Variants in FGGY observed in about 807,000 individuals in gnomAD.
The protein encoded by FGGY is FGGY carbohydrate kinase domain containing.
Under a neutral mutation model 71.3 loss-of-function variants are expected in FGGY, and 72 were observed. The observed-to-expected ratio is 1.01, with a 90% CI of 0.84 to 1.23. FGGY has a LOEUF of 1.23. FGGY is among the 50% of genes most tolerant of loss of function. FGGY has a pLI of 0.00. For missense variants in FGGY, 668 were observed against 682.3 expected (o/e 0.98, Z 0.23); for synonymous variants, 251 against 250.3 (o/e 1.00, Z -0.02).
At chr1:59,547,159 G>T (rs2095539569) in intron 7 of FGGY, among the ~76,000 whole-genome samples, 1 of 151,444 alleles carries the variant, frequency 6.6e-6, no homozygotes, top group African/African-American at 2.4e-5. Context: ...CACCATATTA[G>T]CCAGGCTGGT....
chr1:59,428,471 G>T (rs568078963), intron 5 of FGGY, among the ~76,000 whole-genome samples: 1 of 152,316 alleles, frequency 6.6e-6, no homozygotes, highest in East Asian at 1.9e-4. Context: ...ACAGTAATTA[G>T]ATGCCAGTGT....
At chr1:59,694,874 A>G (rs74937492) in intron 14 of FGGY, among the ~76,000 whole-genome samples, 2,651 of 152,264 alleles carry the variant, frequency 0.017, 79 homozygotes, top group African/African-American at 0.06. Context: ...TTAAAATGTA[A>G]ACATGCATTG....
chr1:59,413,152 G>A (rs1056618456), intron 5 of FGGY, among the ~76,000 whole-genome samples: 1 of 152,138 alleles, frequency 6.6e-6, no homozygotes, highest in African/African-American at 2.4e-5. Flanking sequence ...CACCCCCAGG[G>A]ACATTTTAAG....
chr1:59,721,534 C>T (rs1224434698), intron 14 of FGGY, among the ~76,000 whole-genome samples: 2 of 151,846 alleles, frequency 1.3e-5, no homozygotes, highest in East Asian at 1.9e-4. Context: ...GACAGGGTTT[C>T]ACCATGTTGG....
chr1:59,356,517 T>C (rs1324459832), intron 4 of FGGY, among the ~76,000 whole-genome samples: 2 of 152,228 alleles, frequency 1.3e-5, no homozygotes, highest in Non-Finnish European at 2.9e-5. Flanking sequence ...CCCTAGAATT[T>C]ATTGCATTAC....
intron 8 of FGGY, among the ~76,000 whole-genome samples, chr1:59,568,318 A>T (rs557321272): frequency 5.5e-4 from 83 of 152,132 alleles, no homozygotes; most frequent in Non-Finnish European, 2.1e-4. Context: ...TCTCTTATTC[A>T]TCTGGCCTTT....
intron 7 of FGGY, among the ~76,000 whole-genome samples, chr1:59,530,157 A>C (rs1302120682): frequency 2.0e-5 from 3 of 152,146 alleles, no homozygotes; most frequent in African/African-American, 7.2e-5. Context: ...GTAAATCCTG[A>C]AGTTAAATAA....
In FGGY at chr1:59,340,745, A is replaced by C. The variant is rs139356034; in HGVS notation, c.313+676A>C. Among the ~76,000 whole-genome samples, 316 of 152,340 alleles carry C rather than the reference A, an allele frequency of 2.1e-3. 1 individual carries two copies. The highest frequency in any genetic ancestry group is 3.9e-3 in the Non-Finnish European group (266 of 68,030). On this transcript the variant is annotated intron_variant, in intron 3 of 15. Coordinates refer to ENST00000303721, the MANE Select transcript of FGGY (RefSeq NM_018291.5). ...GGGTTACAAACCCGAAAGTCTATTA[A>C]TATATTAATGTAATAATTAATACAT...
At chr1:59,721,004 T>C (rs953298579) in intron 14 of FGGY, among the ~76,000 whole-genome samples, 3 of 152,208 alleles carry the variant, frequency 2.0e-5, no homozygotes, top group Non-Finnish European at 4.4e-5. Context: ...TCCCTCCGTG[T>C]GGAATCATCT....
intron 8 of FGGY, among the ~76,000 whole-genome samples, chr1:59,555,621 C>G (rs1246211115): frequency 1.3e-5 from 2 of 152,178 alleles, no homozygotes; most frequent in Non-Finnish European, 2.9e-5. Context: ...CTTGAGGTGA[C>G]ATTTGTGCTG....
chr1:59,583,425 T>C (rs2096229187), intron 8 of FGGY, among the ~76,000 whole-genome samples: 1 of 143,704 alleles, frequency 7.0e-6, no homozygotes, highest in Admixed American at 6.8e-5. Context: ...CTAGGTAAAC[T>C]TGAATAATTC....
intron 4 of FGGY, among the ~76,000 whole-genome samples, 175 bp downstream of exon 4, chr1:59,346,573 T>C (rs191105139): frequency 2.6e-5 from 4 of 152,312 alleles, no homozygotes; most frequent in Admixed American, 2.0e-4. Context: ...ACACCTGTTT[T>C]TATGTGCCTA....
At chr1:59,449,488 TTGG>T (rs1400793540) in intron 5 of FGGY, among the ~76,000 whole-genome samples, 2 of 152,174 alleles carry the variant, frequency 1.3e-5, no homozygotes, top group African/African-American at 4.8e-5. Context: ...TTTCACCATG[TTGG>T]TCAGGCTGGT....
chr1:59,470,304 C>G (rs1444741069), intron 6 of FGGY, among the ~76,000 whole-genome samples: 1 of 152,192 alleles, frequency 6.6e-6, no homozygotes, highest in Non-Finnish European at 1.5e-5. Context: ...GCCATTCTGA[C>G]TGGTGTGAGA....
At chr1:59,502,962 G>T (rs2094273276) in intron 6 of FGGY, among the ~76,000 whole-genome samples, 1 of 152,128 alleles carries the variant, frequency 6.6e-6, no homozygotes, top group African/African-American at 2.4e-5. Flanking sequence ...ACCTACCAGG[G>T]GAGCCTCCTG....
intron 14 of FGGY, among the ~76,000 whole-genome samples, chr1:59,705,384 T>C (rs1464500377): frequency 6.6e-6 from 1 of 152,134 alleles, no homozygotes; most frequent in African/African-American, 2.4e-5. Context: ...TGCCCAAGAG[T>C]AAACTTTTAT....
chr1:59,520,290 T>A (rs956925011), intron 7 of FGGY, among the ~76,000 whole-genome samples: 1 of 152,208 alleles, frequency 6.6e-6, no homozygotes, highest in Non-Finnish European at 1.5e-5. Context: ...GTTGTGAGAT[T>A]AAGAAAATAA....
chr1:59,676,457 AC>A (rs1302200239), intron 14 of FGGY, among the ~76,000 whole-genome samples: 8 of 151,700 alleles, frequency 5.3e-5, no homozygotes, highest in African/African-American at 1.9e-4. Context: ...TGTAGCTCAA[AC>A]AGAGAATAGC....
chr1:59,305,199 A>T (rs1046373996), intron 1 of FGGY, among the ~76,000 whole-genome samples: 1 of 152,150 alleles, frequency 6.6e-6, no homozygotes, highest in Non-Finnish European at 1.5e-5. Flanking sequence ...TGGGCTTGTC[A>T]TATATAGTCT....
Sources: allele counts gnomAD v4.1 joint callset (sites outside exome capture counted in the v4.1 genomes callset), GRCh38; gene constraint gnomAD v4.1.1; transcripts MANE v1.5; gene names NCBI Gene and HGNC (gene_info 2026-07-23, HGNC 2026-07-21).